NCOA2: variants seen among roughly 807,000 people sequenced by gnomAD.
NCOA2 encodes the protein nuclear receptor coactivator 2, also known as class E basic helix-loop-helix protein 75.
In NCOA2, 21 loss-of-function variants were observed where a neutral mutation model predicts 145.1. The ratio of observed to expected loss-of-function variants is 0.14; its 90% CI spans 0.10 to 0.21. The LOEUF is 0.21. Ranked by LOEUF, NCOA2 falls within the 10% of genes least tolerant of loss-of-function variation. The probability of loss-of-function intolerance (pLI) is 1.00; values close to 1 mark genes in which losing one functional copy is unlikely to be tolerated. For missense variants in NCOA2, 1,472 were observed against 1,837.6 expected (o/e 0.80, Z 3.64); for synonymous variants, 619 against 637.5 (o/e 0.97, Z 0.44).
chr8:70,299,409 A>G (rs920670315), intron 1 of NCOA2, among the ~76,000 whole-genome samples: 1 of 152,244 alleles, frequency 6.6e-6, no homozygotes. Flanking sequence ...ACACATATCT[A>G]GAATATATTA....
chr8:70,319,881 G>A (rs1306164787), intron 1 of NCOA2, among the ~76,000 whole-genome samples: 1 of 152,122 alleles, frequency 6.6e-6, no homozygotes, highest in African/African-American at 2.4e-5. Context: ...CAGACATGGA[G>A]GTAAAAGGAA....
chr8:70,284,614 A>G (rs1262358601), intron 2 of NCOA2, among the ~76,000 whole-genome samples: 2 of 152,162 alleles, frequency 1.3e-5, no homozygotes, highest in Non-Finnish European at 2.9e-5. Context: ...ACTTCAGATA[A>G]TCTGTGGCTA....
At chr8:70,346,733 A>G (rs1470227367) in intron 1 of NCOA2, among the ~76,000 whole-genome samples, 1 of 152,206 alleles carries the variant, frequency 6.6e-6, no homozygotes, top group Non-Finnish European at 1.5e-5. Flanking sequence ...TAGAAGTTAG[A>G]GAACCAAGAT....
chr8:70,336,468 G>T (rs1807597964), intron 1 of NCOA2, among the ~76,000 whole-genome samples: 1 of 152,098 alleles, frequency 6.6e-6, no homozygotes, highest in Admixed American at 6.6e-5. Flanking sequence ...CTACTATAAA[G>T]AAGTATCTTA....
intron 2 of NCOA2, among the ~76,000 whole-genome samples, chr8:70,219,246 T>C (rs1819923159): frequency 6.6e-6 from 1 of 152,214 alleles, no homozygotes; most frequent in Non-Finnish European, 1.5e-5. Flanking sequence ...CCACTCTATT[T>C]GTAGACTGAA....
intron 2 of NCOA2, among the ~76,000 whole-genome samples, chr8:70,287,808 T>C (rs1008617424): frequency 1.3e-5 from 2 of 152,184 alleles, no homozygotes; most frequent in Non-Finnish European, 2.9e-5. Flanking sequence ...AGACCCTCAC[T>C]GTAGAGAAAA....
intron 21 of NCOA2, among the ~76,000 whole-genome samples, chr8:70,121,894 C>T (rs764607573): frequency 2.0e-5 from 3 of 152,214 alleles, no homozygotes; most frequent in Non-Finnish European, 4.4e-5. Flanking sequence ...TTTCTTTACA[C>T]ATTAGAAAGT....
At chr8:70,214,212 A>G (rs984444626) in intron 3 of NCOA2, 137 bp from the exon 4 acceptor site, 11 of 847,948 alleles carry the variant, frequency 1.3e-5, no homozygotes, top group Non-Finnish European at 2.0e-5. Context: ...TTTGGGGGAA[A>G]AACACAATTT....
chr8:70,152,772 G>A (rs1468065777), intron 11 of NCOA2, among the ~76,000 whole-genome samples: 1 of 152,168 alleles, frequency 6.6e-6, no homozygotes, highest in Non-Finnish European at 1.5e-5. Context: ...TAGCACCATC[G>A]AAGTACTTCC....
At chr8:70,126,701 A>C in intron 19 of NCOA2, 112 bp downstream of exon 19, 1 of 936,570 alleles carries the variant, frequency 1.1e-6, no homozygotes, top group South Asian at 1.6e-5. Context: ...CTGGTTAGCC[A>C]GATTCATCTG....
chr8:70,326,308 T>G (rs1806546018), intron 1 of NCOA2, among the ~76,000 whole-genome samples: 1 of 152,110 alleles, frequency 6.6e-6, no homozygotes, highest in Non-Finnish European at 1.5e-5. Flanking sequence ...TTACCTTTAT[T>G]AAGTTCTCCC....
chr8:70,138,576 C>T (rs1810009892), intron 14 of NCOA2, among the ~76,000 whole-genome samples: 1 of 152,032 alleles, frequency 6.6e-6, no homozygotes, highest in Admixed American at 6.5e-5. Flanking sequence ...ACTTTAAATA[C>T]TCAAAAAAGT....
intron 4 of NCOA2, among the ~76,000 whole-genome samples, chr8:70,187,498 G>A (rs914345921): frequency 6.6e-6 from 1 of 152,092 alleles, no homozygotes; most frequent in Non-Finnish European, 1.5e-5. Context: ...TCTATTTAAA[G>A]TCTAACAATT....
chr8:70,144,693 C>G lies in NCOA2; in HGVS notation c.2761G>C (p.Gly921Arg), dbSNP rs775309051. The stretch of plus-strand genomic sequence containing the variant: ...TGGTTTCCTATCATCCCTTGATTAC[C>G]CATCATTCCTGGCTGAGGTATCACT... The part of the protein sequence containing the change: ...YSVIPQPGMM[G>R]NQGMIGNQGN... The change falls in exon 13 of 23, where the codon GGT (glycine) becomes CGT (arginine). Residue 921 changes from glycine (G) to arginine (R), a missense_variant. Physicochemically the swap from Gly to Arg is moderately radical, Grantham distance 125. This residue lies in a region of NCOA2 where 953 missense variants were observed against 1,062.1 expected (regional missense o/e 0.90). Transcript: ENST00000452400. The G allele has an allele frequency of 1.2e-6, 2 of 1,613,828 alleles. No homozygotes were observed. Among genetic ancestry groups the G allele is most frequent in the East Asian group, 4.5e-5 (2 of 44,892 alleles).
chr8:70,125,927 T>C (rs1808363467), intron 19 of NCOA2, among the ~76,000 whole-genome samples: 1 of 152,196 alleles, frequency 6.6e-6, no homozygotes, highest in Admixed American at 6.5e-5. Context: ...TTGAGGATGG[T>C]ATTAAGTACA....
the NCOA2 span, among the ~76,000 whole-genome samples, chr8:70,444,254 T>C: frequency 1.3e-5 from 2 of 152,332 alleles, no homozygotes; most frequent in Non-Finnish European, 1.5e-5. Context: ...AAAGGCTATA[T>C]ATTGTACGAT....
chr8:70,185,673 T>A (rs1815991118), intron 4 of NCOA2, among the ~76,000 whole-genome samples: 1 of 152,122 alleles, frequency 6.6e-6, no homozygotes, highest in South Asian at 2.1e-4. Context: ...AAGTTTACAA[T>A]CTGACACCAC....
At chr8:70,333,590 G>T (rs1368492287) in intron 1 of NCOA2, among the ~76,000 whole-genome samples, 1 of 152,126 alleles carries the variant, frequency 6.6e-6, no homozygotes, top group African/African-American at 2.4e-5. Context: ...AAATTTAACA[G>T]AATTTGCCAT....
At chr8:70,212,937 A>G (rs182338672) in intron 4 of NCOA2, among the ~76,000 whole-genome samples, 1 of 152,076 alleles carries the variant, frequency 6.6e-6, no homozygotes, top group African/African-American at 2.4e-5. Flanking sequence ...CTAAAAAATT[A>G]GCAGGGCATG....
Sources: allele counts gnomAD v4.1 joint callset (sites outside exome capture counted in the v4.1 genomes callset), GRCh38; gene constraint gnomAD v4.1.1; regional missense constraint gnomAD v4.1.1; transcripts MANE v1.5; gene names NCBI Gene and HGNC (gene_info 2026-07-23, HGNC 2026-07-21).